The following ATP11B variants were observed in gnomAD, a reference collection of about 807,000 sequenced individuals.
ATP11B encodes ATPase phospholipid transporting 11B (putative).
ATP11B carries 81 observed loss-of-function variants against 157.8 expected under a neutral mutation model. The ratio of observed to expected loss-of-function variants is 0.51; its 90% CI spans 0.43 to 0.62. ATP11B has a LOEUF of 0.62. Ranked by LOEUF, ATP11B falls within the 20% of genes least tolerant of loss-of-function variation. The pLI, the probability that ATP11B is intolerant of heterozygous loss-of-function variation, is 0.00. For missense variants in ATP11B, 1,165 were observed against 1,402.2 expected (o/e 0.83, Z 2.70); for synonymous variants, 451 against 469.4 (o/e 0.96, Z 0.51).
intron 19 of ATP11B, 48 bp downstream of exon 19, chr3:182,874,063 A>G (rs373674507): frequency 1.7e-5 from 27 of 1,546,852 alleles, no homozygotes; most frequent in East Asian, 2.3e-5. Flanking sequence ...TTAGCAAACT[A>G]TGGTTCCCTG....
intron 29 of ATP11B, chr3:182,915,094 A>G (rs1477312223): frequency 1.0e-6 from 1 of 985,294 alleles, no homozygotes; most frequent in Non-Finnish European, 1.2e-6. Flanking sequence ...TTATTTGGTT[A>G]GCTTTGTGTT....
chr3:182,837,375 AG>A (rs1187446656), intron 7 of ATP11B, among the ~76,000 whole-genome samples: 1 of 152,186 alleles, frequency 6.6e-6, no homozygotes, highest in Non-Finnish European at 1.5e-5. Flanking sequence ...GTTCAAAGCC[AG>A]AGTTTATATT....
chr3:182,854,975 G>A (rs919400540), intron 10 of ATP11B, among the ~76,000 whole-genome samples: 4 of 152,200 alleles, frequency 2.6e-5, no homozygotes, highest in Admixed American at 1.3e-4. Flanking sequence ...AGATTCGTAC[G>A]GTAAAGATGC....
intron 12 of ATP11B, among the ~76,000 whole-genome samples, chr3:182,861,087 C>T (rs1204313667): frequency 8.0e-6 from 1 of 124,528 alleles, no homozygotes; most frequent in East Asian, 2.1e-4. Context: ...TTTTTTGAGA[C>T]GGAGTTTTGC....
chr3:182,799,975 C>T (rs1309740254), intron 1 of ATP11B, among the ~76,000 whole-genome samples: 2 of 151,884 alleles, frequency 1.3e-5, no homozygotes, highest in African/African-American at 2.4e-5. Context: ...CTGGGCATGG[C>T]GGTGCCTGCC....
chr3:182,855,803 T>C (rs1489269347), intron 10 of ATP11B, among the ~76,000 whole-genome samples: 2 of 152,136 alleles, frequency 1.3e-5, no homozygotes, highest in East Asian at 3.9e-4. Flanking sequence ...ATATTCAGCA[T>C]CATTACCTGT....
At chr3:182,893,319 GTA>G (rs1197487700) in intron 25 of ATP11B, among the ~76,000 whole-genome samples, 3 of 152,054 alleles carry the variant, frequency 2.0e-5, no homozygotes, top group African/African-American at 7.2e-5. Context: ...TACCCAATGT[GTA>G]GTCTTTTATT....
At chr3:182,861,820 T>G (rs1012718613) in intron 12 of ATP11B, among the ~76,000 whole-genome samples, 5 of 152,024 alleles carry the variant, frequency 3.3e-5, no homozygotes, top group Non-Finnish European at 7.4e-5. Flanking sequence ...CATTTCAAAT[T>G]TAAAAGTACT....
chr3:182,795,851 A>T (rs541547592), intron 1 of ATP11B, among the ~76,000 whole-genome samples: 1 of 152,360 alleles, frequency 6.6e-6, no homozygotes. Context: ...TTATACTTCC[A>T]GTGGCTTAAT....
chr3:182,865,706 A>G lies in ATP11B; in HGVS notation c.1443+8A>G, dbSNP rs753623406. ...GAAAATGAAACTGAACTAGTAAGTA[A>G]TTTTTAAATTAATAAATAAGGGTTT... On this transcript the variant is annotated splice_region_variant and intron_variant, in intron 13 of 29. Coordinates refer to ENST00000323116, the MANE Select transcript of ATP11B (RefSeq NM_014616.3). 13 of 1,589,430 alleles carry G rather than the reference A, an allele frequency of 8.2e-6. No individual in the cohort carries two copies. Among genetic ancestry groups the G allele is most frequent in the Non-Finnish European group, 8.6e-7 (1 of 1,169,266 alleles).
intron 12 of ATP11B, 63 bp downstream of exon 12, chr3:182,859,422 C>A: frequency 1.5e-6 from 2 of 1,375,650 alleles, no homozygotes; most frequent in South Asian, 1.5e-5. Context: ...AATACATGGA[C>A]AAAGATTAAT....
intron 15 of ATP11B, 42 bp downstream of exon 15, chr3:182,867,486 G>T (rs759256484): frequency 5.5e-6 from 7 of 1,279,826 alleles, no homozygotes; most frequent in Middle Eastern, 3.8e-4. Flanking sequence ...TGTGTTAAGT[G>T]TATATAGTAT....
chr3:182,880,495 A>G (rs973147591), intron 20 of ATP11B, among the ~76,000 whole-genome samples: 2 of 152,300 alleles, frequency 1.3e-5, no homozygotes, highest in South Asian at 4.1e-4. Context: ...AAATTTTACT[A>G]CAAGAGGAAA....
intron 12 of ATP11B, among the ~76,000 whole-genome samples, chr3:182,865,140 C>T (rs1231488830): frequency 6.6e-6 from 1 of 152,122 alleles, no homozygotes; most frequent in African/African-American, 2.4e-5. Flanking sequence ...AGTCCTACTA[C>T]TTAAAATACC....
chr3:182,799,750 A>G (rs1259364356), intron 1 of ATP11B, among the ~76,000 whole-genome samples: 1 of 152,176 alleles, frequency 6.6e-6, no homozygotes, highest in Non-Finnish European at 1.5e-5. Flanking sequence ...TAGTTGAAAG[A>G]TTTTATTCTC....
intron 2 of ATP11B, among the ~76,000 whole-genome samples, chr3:182,822,753 A>G (rs1214573217): frequency 3.3e-5 from 5 of 152,122 alleles, no homozygotes; most frequent in Admixed American, 6.5e-5. Flanking sequence ...AAGTGTTCCT[A>G]TTTCTCCACA....
chr3:182,813,575 T>C (rs993647256), intron 1 of ATP11B, among the ~76,000 whole-genome samples: 1 of 152,148 alleles, frequency 6.6e-6, no homozygotes, highest in Admixed American at 6.5e-5. Flanking sequence ...AAGACATATC[T>C]AGGAACACCA....
intron 19 of ATP11B, 83 bp downstream of exon 19, chr3:182,874,098 A>G (rs111281880): frequency 1.3e-5 from 16 of 1,215,328 alleles, no homozygotes; most frequent in Middle Eastern, 1.9e-4. Flanking sequence ...GCCCACTGTC[A>G]CTGCCTGTTT....
intron 17 of ATP11B, among the ~76,000 whole-genome samples, chr3:182,871,593 C>A (rs1222154897): frequency 6.6e-6 from 1 of 152,056 alleles, no homozygotes; most frequent in Non-Finnish European, 1.5e-5. Flanking sequence ...AAATTATGGT[C>A]TCCTTTGCTT....
Sources: gnomAD v4.1 joint callset for allele counts (sites outside exome capture counted in the v4.1 genomes callset) on GRCh38, gnomAD v4.1.1 for gene constraint, MANE v1.5 for transcripts, NCBI Gene and HGNC (gene_info 2026-07-23, HGNC 2026-07-21) for gene names.